The following DCC variants were observed in gnomAD, a reference collection of about 807,000 sequenced individuals.
DCC encodes the protein DCC netrin 1 receptor.
DCC carries 58 observed loss-of-function variants against 172.5 expected under a neutral mutation model. The ratio of observed to expected loss-of-function variants is 0.34; its 90% CI spans 0.27 to 0.42. The LOEUF is 0.42. DCC is among the 10% of genes least tolerant of loss of function. DCC has a pLI of 1.00. For synonymous variants in DCC, 709 were observed against 644.5 expected (o/e 1.10, Z -1.52); for missense variants, 1,740 against 1,791.0 (o/e 0.97, Z 0.51).
chr18:53,174,054 C>CT (rs1442823156), intron 8 of DCC, among the ~76,000 whole-genome samples: 1 of 107,324 alleles, frequency 9.3e-6, no homozygotes. Context: ...TACATGGAAA[C>CT]TGAACAACCT....
intron 1 of DCC, among the ~76,000 whole-genome samples, chr18:52,626,455 T>C (rs2034575163): frequency 6.6e-6 from 1 of 152,182 alleles, no homozygotes; most frequent in Non-Finnish European, 1.5e-5. Context: ...CTCTGCTTTT[T>C]TTTTTCTGCC....
In DCC at chr18:53,205,289, AC is replaced by A; in HGVS notation, c.1652del (p.Pro551LeufsTer26). The A allele has an allele frequency of 6.2e-7, 1 of 1,613,756 alleles. No individual in the cohort carries two copies. Among genetic ancestry groups the A allele is most frequent in the Non-Finnish European group, 8.5e-7 (1 of 1,179,776 alleles). ...SPTSILITWE[P>X]PAYANGPVQG... is the part of the protein sequence containing the mutation. ...CTACCTCAATTCTTATTACCTGGGA[AC>A]CCCCTGCCTATGCAAACGGTCCAGT... On this transcript the variant is annotated frameshift_variant, in exon 10 of 29. Coordinates refer to ENST00000442544, the MANE Select transcript of DCC (RefSeq NM_005215.4). LOFTEE classifies it high-confidence loss of function.
intron 5 of DCC, 23 bp from the exon 6 acceptor site, chr18:53,063,282 C>T (rs778223433): frequency 6.8e-7 from 1 of 1,463,344 alleles, no homozygotes; most frequent in East Asian, 2.5e-5. Context: ...CACTCACTCA[C>T]TTTTTTTTTT....
chr18:53,501,081 A>C (rs1264747004), intron 27 of DCC, among the ~76,000 whole-genome samples: 1 of 152,214 alleles, frequency 6.6e-6, no homozygotes, highest in Non-Finnish European at 1.5e-5. Context: ...CACTGCAAGC[A>C]CAACCCAAGG....
chr18:53,529,030 TCTCTCTCTCACACA>T (rs1337288861), intron 28 of DCC, among the ~76,000 whole-genome samples: 8 of 65,514 alleles, frequency 1.2e-4, no homozygotes, highest in East Asian at 9.7e-4. Context: ...TCTCTCTCTC[TCTCTCTCTCACACA>T]CACACACACA....
intron 13 of DCC, among the ~76,000 whole-genome samples, chr18:53,310,893 T>G (rs1219480644): frequency 6.6e-6 from 1 of 151,956 alleles, no homozygotes; most frequent in Non-Finnish European, 1.5e-5. Context: ...CCTGCAGAGA[T>G]AATCAACTTT....
chr18:53,348,945 T>G (rs1051815931), intron 15 of DCC, among the ~76,000 whole-genome samples: 16 of 152,194 alleles, frequency 1.1e-4, no homozygotes, highest in Non-Finnish European at 2.1e-4. Context: ...GGAGACATTT[T>G]CTCCATTGTG....
chr18:53,446,065 C>G (rs982842747), intron 22 of DCC, among the ~76,000 whole-genome samples: 1 of 112,208 alleles, frequency 8.9e-6, no homozygotes, highest in East Asian at 2.4e-4. Flanking sequence ...AGTTTGAGAC[C>G]AGCCTGGGCA....
At chr18:52,534,741 TA>T (rs1464976164) in intron 1 of DCC, among the ~76,000 whole-genome samples, 10 of 152,322 alleles carry the variant, frequency 6.6e-5, no homozygotes, top group African/African-American at 2.2e-4. Context: ...GGAAATATTT[TA>T]AAGTACTTCA....
intron 1 of DCC, among the ~76,000 whole-genome samples, chr18:52,684,734 A>G (rs74849090): frequency 2.2e-3 from 247 of 113,636 alleles, no homozygotes; most frequent in African/African-American, 8.7e-3. Context: ...TTTCCAAAAC[A>G]CTTAAAATAT....
intron 5 of DCC, among the ~76,000 whole-genome samples, chr18:53,046,479 G>GAAA (rs10628083): frequency 3.4e-5 from 5 of 148,224 alleles, no homozygotes; most frequent in African/African-American, 7.4e-5. Flanking sequence ...TTTAAAACTG[G>GAAA]AAAAAAAAAA....
intron 14 of DCC, among the ~76,000 whole-genome samples, chr18:53,332,722 T>C (rs1254375176): frequency 6.6e-6 from 1 of 152,014 alleles, no homozygotes; most frequent in African/African-American, 2.4e-5. Flanking sequence ...CCTAAGGAAA[T>C]TTTGGCAGTG....
At chr18:52,949,871 C>A (rs967293105) in intron 5 of DCC, among the ~76,000 whole-genome samples, 1 of 152,170 alleles carries the variant, frequency 6.6e-6, no homozygotes, top group Non-Finnish European at 1.5e-5. Flanking sequence ...CCTCCTCTAA[C>A]CTCTTTAGTC....
In DCC at chr18:53,356,945, C is replaced by T. The variant is rs529631232; in HGVS notation, c.2359+17038C>T. On this transcript the variant is annotated intron_variant, in intron 15 of 28. Transcript: ENST00000442544. ...TCAGATAAAGAAATCAAAGTGCTCA[C>T]TTTATTTTTCTTCTCTTAGAAGTCG... Among the ~76,000 whole-genome samples, 12 of 152,244 alleles carry T rather than the reference C, an allele frequency of 7.9e-5. No individual in the cohort carries two copies. The South Asian group carries it at 2.3e-3, about 29-fold the overall frequency.
chr18:53,473,466 A>G (rs959687856), intron 25 of DCC, among the ~76,000 whole-genome samples: 1 of 152,214 alleles, frequency 6.6e-6, no homozygotes, highest in African/African-American at 2.4e-5. Flanking sequence ...AATGTCATCT[A>G]ACAAAATTGT....
At chr18:53,087,372 A>G (rs1299728486) in intron 7 of DCC, among the ~76,000 whole-genome samples, 1 of 151,592 alleles carries the variant, frequency 6.6e-6, no homozygotes, top group Non-Finnish European at 1.5e-5. Context: ...GCACCTTTTC[A>G]TGTGTTTTTT....
intron 11 of DCC, among the ~76,000 whole-genome samples, chr18:53,211,864 A>G (rs1298841601): frequency 5.3e-5 from 8 of 152,118 alleles, no homozygotes; most frequent in Admixed American, 2.0e-4. Flanking sequence ...TCTGGCCAAC[A>G]TAGTGAAATT....
At chr18:53,350,888 G>C (rs2057783848) in intron 15 of DCC, among the ~76,000 whole-genome samples, 1 of 151,936 alleles carries the variant, frequency 6.6e-6, no homozygotes, top group Non-Finnish European at 1.5e-5. Context: ...ATTCTGATTA[G>C]AAAATCTTGA....
chr18:53,177,753 A>G (rs771351072), intron 8 of DCC, among the ~76,000 whole-genome samples: 1 of 152,150 alleles, frequency 6.6e-6, no homozygotes, highest in Non-Finnish European at 1.5e-5. Context: ...GATGAGACTC[A>G]GTCACAAGGC....
Sources: gnomAD v4.1 joint callset for allele counts (sites outside exome capture counted in the v4.1 genomes callset) on GRCh38, gnomAD v4.1.1 for gene constraint, MANE v1.5 for transcripts, NCBI Gene and HGNC (gene_info 2026-07-23, HGNC 2026-07-21) for gene names.